Variants in RUVBL1 observed in about 807,000 individuals in gnomAD.
RUVBL1 encodes the protein RuvB like AAA ATPase 1.
A neutral mutation model predicts 52.4 loss-of-function variants in RUVBL1; 4 were observed. The observed-to-expected ratio is 0.08, with a 90% confidence interval of 0.04 to 0.17. The LOEUF (loss-of-function observed/expected upper bound fraction) is 0.17. Ranked by LOEUF, RUVBL1 falls within the 10% of genes least tolerant of loss-of-function variation. The pLI is 1.00. For synonymous variants in RUVBL1, 217 were observed against 214.4 expected (o/e 1.01, Z -0.10); for missense variants, 298 against 572.8 (o/e 0.52, Z 4.90).
At chr3:128,079,602 GCATGGGCCA>G (rs1446506967), downstream of RUVBL1, among the ~76,000 whole-genome samples, 1 of 152,234 alleles carries the variant, frequency 6.6e-6, no homozygotes, top group Non-Finnish European at 1.5e-5. Context: ...CTGGCAGCCG[GCATGGGCCA>G]CATGCACAGC....
intron 9 of RUVBL1, among the ~76,000 whole-genome samples, chr3:128,065,696 G>A (rs1006616603): frequency 5.3e-5 from 8 of 151,356 alleles, no homozygotes; most frequent in African/African-American, 1.9e-4. Context: ...TATCTCTTTA[G>A]GGGCTTTGCC....
chr3:128,124,080 C>T (rs1295386220), upstream of RUVBL1, among the ~76,000 whole-genome samples: 1 of 152,186 alleles, frequency 6.6e-6, no homozygotes, highest in Non-Finnish European at 1.5e-5. Context: ...CACTCCTAAT[C>T]CTTCCGTCCT....
intron 1 of RUVBL1, among the ~76,000 whole-genome samples, chr3:128,151,477 TCA>T (rs1944211750): frequency 1.3e-5 from 2 of 152,082 alleles, no homozygotes; most frequent in Admixed American, 6.6e-5. Context: ...GAAATATTTC[TCA>T]GAGGTACATA....
chr3:128,065,101 G>C (rs754918599), exon 10 of RUVBL1: 5 of 1,525,122 alleles, frequency 3.3e-6, no homozygotes, highest in Non-Finnish European at 4.5e-6. Flanking sequence ...AATGCCTTGT[G>C]TGCAGTCCCC....
intron 9 of RUVBL1, among the ~76,000 whole-genome samples, chr3:128,073,806 C>A (rs939591715): frequency 6.6e-6 from 1 of 152,228 alleles, no homozygotes; most frequent in African/African-American, 2.4e-5. Flanking sequence ...GTTCATCCTT[C>A]AAAGCACAGC....
intron 9 of RUVBL1, among the ~76,000 whole-genome samples, chr3:128,069,067 T>A (rs1942072783): frequency 6.6e-6 from 1 of 152,238 alleles, no homozygotes; most frequent in African/African-American, 2.4e-5. Flanking sequence ...AAGTCACATG[T>A]AGTTTTTAAA....
intron 8 of RUVBL1, among the ~76,000 whole-genome samples, chr3:128,092,384 T>G (rs1201441605): frequency 1.3e-5 from 2 of 151,734 alleles, no homozygotes; most frequent in African/African-American, 4.8e-5. Flanking sequence ...AACTTCTGTG[T>G]GTCAAAAGAC....
Position 128,091,140 on chromosome 3 carries a change from T to G in RUVBL1, c.1017-3332A>C, listed in dbSNP as rs550864850. The stretch of plus-strand genomic sequence containing the variant: ...ATTAAAGACCAAACATTTCTGAGAT[T>G]TGTCCAAGCTATGAATCTGAAGTAG... On this transcript the variant is annotated intron_variant, in intron 8 of 10. Transcript: ENST00000322623. Among the ~76,000 whole-genome samples the G allele has an allele frequency of 2.6e-5, 4 of 152,358 alleles. No individual in the cohort carries two copies. In the East Asian group the frequency reaches 7.7e-4, roughly 29 times the overall value.
chr3:128,110,401 G>A (rs1177703110), intron 3 of RUVBL1, among the ~76,000 whole-genome samples: 2 of 152,156 alleles, frequency 1.3e-5, no homozygotes, highest in Non-Finnish European at 2.9e-5. Context: ...GGAGGCTGAG[G>A]TGGAAGAATC....
chr3:128,151,297 T>C (rs1189212131), intron 1 of RUVBL1, among the ~76,000 whole-genome samples: 1 of 146,734 alleles, frequency 6.8e-6, no homozygotes, highest in African/African-American at 2.5e-5. Context: ...ATAAACTATA[T>C]CAAGTGATCT....
At chr3:128,095,525 T>G (rs1393499551) in intron 8 of RUVBL1, among the ~76,000 whole-genome samples, 4 of 152,252 alleles carry the variant, frequency 2.6e-5, no homozygotes, top group Non-Finnish European at 5.9e-5. Flanking sequence ...TAGGAAGCAC[T>G]TATGACAGTG....
chr3:128,125,939 T>G (rs1328477005), upstream of RUVBL1, among the ~76,000 whole-genome samples: 1 of 152,228 alleles, frequency 6.6e-6, no homozygotes, highest in Non-Finnish European at 1.5e-5. Context: ...GGAAAAAGAC[T>G]TTTTTTACAC....
chr3:128,130,529 T>C (rs1943856859), intron 1 of RUVBL1, among the ~76,000 whole-genome samples: 1 of 145,814 alleles, frequency 6.9e-6, no homozygotes. Flanking sequence ...GGGAGGCCGA[T>C]GTGGGAGGAT....
chr3:128,128,063 A>C (rs1675185506), upstream of RUVBL1, among the ~76,000 whole-genome samples: 3 of 151,742 alleles, frequency 2.0e-5, no homozygotes, highest in South Asian at 6.3e-4. Flanking sequence ...TAAATACATA[A>C]ACGTTGTGTT....
chr3:128,124,683 C>A (rs528451096), upstream of RUVBL1, among the ~76,000 whole-genome samples: 1 of 152,268 alleles, frequency 6.6e-6, no homozygotes, highest in South Asian at 2.1e-4. Context: ...AGTCTTGATG[C>A]GTTTACTTCT....
chr3:128,112,592 A>C (rs980574147), intron 3 of RUVBL1, among the ~76,000 whole-genome samples: 3 of 152,186 alleles, frequency 2.0e-5, no homozygotes, highest in Non-Finnish European at 4.4e-5. Context: ...TAATGGCAAA[A>C]TAAGACTTCC....
intron 1 of RUVBL1, among the ~76,000 whole-genome samples, chr3:128,146,418 C>A (rs931191657): frequency 1.5e-5 from 2 of 137,044 alleles, no homozygotes; most frequent in Non-Finnish European, 3.1e-5. Context: ...GTGTGTGTGT[C>A]TCTGTGCGTG....
chr3:128,117,230 C>T (rs1042984333), intron 2 of RUVBL1, among the ~76,000 whole-genome samples: 1 of 152,142 alleles, frequency 6.6e-6, no homozygotes, highest in African/African-American at 2.4e-5. Flanking sequence ...AGAAATTACC[C>T]ATAATTTAGC....
intron 1 of RUVBL1, among the ~76,000 whole-genome samples, chr3:128,148,972 G>A (rs1559840351): frequency 6.6e-6 from 1 of 151,942 alleles, no homozygotes; most frequent in Non-Finnish European, 1.5e-5. Context: ...TATCAAAAAT[G>A]TAGACAGAAT....
Sources: gnomAD v4.1 joint callset for allele counts (sites outside exome capture counted in the v4.1 genomes callset) on GRCh38, gnomAD v4.1.1 for gene constraint, MANE v1.5 for transcripts, NCBI Gene and HGNC (gene_info 2026-07-23, HGNC 2026-07-21) for gene names.